TPRG1: variants seen among roughly 807,000 people sequenced by gnomAD.
The protein encoded by TPRG1 is tumor protein p63 regulated 1, also known as tumor protein p63-regulated gene 1 protein.
A neutral mutation model predicts 29.3 loss-of-function variants in TPRG1; 29 were observed. That is an observed-to-expected ratio of 0.99 (90% CI 0.74 to 1.35). TPRG1 has a LOEUF of 1.35. TPRG1 is among the 40% of genes most tolerant of loss of function. The pLI, the probability that TPRG1 is intolerant of heterozygous loss-of-function variation, is 0.00. For missense variants in TPRG1, 327 were observed against 335.0 expected (o/e 0.98, Z 0.19); for synonymous variants, 130 against 116.8 (o/e 1.11, Z -0.73).
chr3:189,231,987 CTA>C (rs1738745792), intron 3 of TPRG1, among the ~76,000 whole-genome samples: 3 of 123,530 alleles, frequency 2.4e-5, no homozygotes, highest in Non-Finnish European at 3.7e-5. Context: ...GGGTGTATAT[CTA>C]TCTCTTTCAA....
At chr3:189,245,953 TA>T (rs768408361) in intron 4 of TPRG1, among the ~76,000 whole-genome samples, 1 of 152,194 alleles carries the variant, frequency 6.6e-6, no homozygotes, top group Non-Finnish European at 1.5e-5. Context: ...AAGTTTATTT[TA>T]AAATCTGACA....
intron 5 of TPRG1, among the ~76,000 whole-genome samples, chr3:189,152,267 A>G (rs1055771043): frequency 2.6e-5 from 4 of 152,052 alleles, no homozygotes; most frequent in Non-Finnish European, 5.9e-5. Context: ...TCCCTTGAGG[A>G]GTTTTCCTTC....
chr3:189,206,158 CTCTT>C (rs1227425399), intron 1 of TPRG1, among the ~76,000 whole-genome samples: 3 of 128,608 alleles, frequency 2.3e-5, no homozygotes, highest in Non-Finnish European at 5.1e-5. Context: ...TATCTTTCTT[CTCTT>C]TCTTTCTAAA....
chr3:189,294,301 T>C (rs1307620350), intron 4 of TPRG1, among the ~76,000 whole-genome samples: 1 of 152,062 alleles, frequency 6.6e-6, no homozygotes, highest in African/African-American at 2.4e-5. Flanking sequence ...TATGGGGAAG[T>C]GGGGGAGGAA....
intron 4 of TPRG1, among the ~76,000 whole-genome samples, chr3:189,054,114 A>G (rs1235638635): frequency 6.6e-6 from 1 of 152,118 alleles, no homozygotes; most frequent in South Asian, 2.1e-4. Context: ...TTTTGATTTA[A>G]AATGAGAGAC....
intron 4 of TPRG1, among the ~76,000 whole-genome samples, chr3:189,286,529 AGG>A (rs1576963242): frequency 6.6e-6 from 1 of 152,114 alleles, no homozygotes; most frequent in Non-Finnish European, 1.5e-5. Flanking sequence ...TCCAGGACAT[AGG>A]GGCAGATATC....
At chr3:189,080,647 A>C (rs1438646840) in intron 4 of TPRG1, among the ~76,000 whole-genome samples, 1 of 152,154 alleles carries the variant, frequency 6.6e-6, no homozygotes, top group African/African-American at 2.4e-5. Context: ...GTCTGGAAGA[A>C]TAAGTTGAAT....
Position 189,058,366 on chromosome 3 carries a change from G to A in TPRG1, c.-463+34420G>A, listed in dbSNP as rs1347423375. 2.0e-5 allele frequency among the ~76,000 whole-genome samples: 3 copies of A among 152,152 alleles called. No individual in the cohort carries two copies. In the East Asian group the frequency reaches 5.8e-4, roughly 29 times the overall value. On this transcript the variant is annotated intron_variant, in intron 4 of 10. Transcript: ENST00000433971. The stretch of plus-strand genomic sequence containing the variant: ...CTTTGTACTCAGGAGTGTAACGTCG[G>A]TACACAGAAAGTCTCCACAATTGTA...
intron 4 of TPRG1, among the ~76,000 whole-genome samples, chr3:189,256,773 C>CT (rs1711980066): frequency 1.3e-5 from 2 of 152,080 alleles, no homozygotes. Flanking sequence ...CCTTCTTTGT[C>CT]TTTTTTTATC....
chr3:189,160,626 G>T (rs1278033121), intron 5 of TPRG1, among the ~76,000 whole-genome samples: 2 of 152,158 alleles, frequency 1.3e-5, no homozygotes, highest in Admixed American at 6.5e-5. Flanking sequence ...AACCCAGGGA[G>T]ACGGGGACTA....
At chr3:189,076,326 G>A (rs1717168034) in intron 4 of TPRG1, among the ~76,000 whole-genome samples, 1 of 152,118 alleles carries the variant, frequency 6.6e-6, no homozygotes, top group Admixed American at 6.6e-5. Flanking sequence ...ACCAGAGTTT[G>A]GTTCCTGGCT....
At chr3:189,234,539 T>G (rs558651322) in intron 3 of TPRG1, among the ~76,000 whole-genome samples, 1 of 152,220 alleles carries the variant, frequency 6.6e-6, no homozygotes, top group African/African-American at 2.4e-5. Context: ...GCAATGTTAC[T>G]GATTGTTTAT....
intron 1 of TPRG1, chr3:189,123,536 A>G (rs901901086): frequency 6.6e-6 from 1 of 152,218 alleles, no homozygotes. Context: ...AAAATGCCTT[A>G]ACAAAATGCT....
At chr3:189,098,325 G>A (rs1172432035), upstream of TPRG1, among the ~76,000 whole-genome samples, 2 of 152,094 alleles carry the variant, frequency 1.3e-5, no homozygotes, top group South Asian at 2.1e-4. Flanking sequence ...AAGGAAGGGG[G>A]ATCCTGTGGT....
At chr3:189,125,979 A>G (rs537379960) in intron 1 of TPRG1, among the ~76,000 whole-genome samples, 71 of 152,196 alleles carry the variant, frequency 4.7e-4, no homozygotes, top group Non-Finnish European at 7.5e-4. Flanking sequence ...CTCATATCAG[A>G]TTAACTTTTC....
intron 4 of TPRG1, among the ~76,000 whole-genome samples, chr3:189,034,961 A>G (rs1480195016): frequency 6.6e-6 from 1 of 152,220 alleles, no homozygotes; most frequent in Non-Finnish European, 1.5e-5. Flanking sequence ...TGGAACCAAA[A>G]AAGAGCCTGA....
At chr3:189,011,095 T>A (rs986401333) in intron 3 of TPRG1, among the ~76,000 whole-genome samples, 8 of 152,076 alleles carry the variant, frequency 5.3e-5, no homozygotes, top group Admixed American at 3.9e-4. Context: ...CTCATTTCTG[T>A]GTTTTCTATT....
chr3:189,244,541 G>T (rs918539781), intron 4 of TPRG1, among the ~76,000 whole-genome samples: 2 of 152,136 alleles, frequency 1.3e-5, no homozygotes, highest in African/African-American at 2.4e-5. Flanking sequence ...AGGGAACAAG[G>T]CATCTCACAT....
At chr3:189,309,598 G>T (rs529551953) in intron 4 of TPRG1, among the ~76,000 whole-genome samples, 5 of 152,076 alleles carry the variant, frequency 3.3e-5, no homozygotes, top group Non-Finnish European at 7.4e-5. Context: ...TGCAAAAGAG[G>T]CCTCAGAAAC....
Sources: gnomAD v4.1 joint callset for allele counts (sites outside exome capture counted in the v4.1 genomes callset) on GRCh38, gnomAD v4.1.1 for gene constraint, MANE v1.5 for transcripts, NCBI Gene and HGNC (gene_info 2026-07-23, HGNC 2026-07-21) for gene names.